Variants in CLSTN2 observed in about 807,000 individuals in gnomAD.
The protein encoded by CLSTN2 is calsyntenin-2.
In CLSTN2, 48 loss-of-function variants were observed where a neutral mutation model predicts 101.2. The ratio of observed to expected loss-of-function variants is 0.47; its 90% CI spans 0.38 to 0.60. The LOEUF is 0.60. Ranked by LOEUF, CLSTN2 falls within the 20% of genes least tolerant of loss-of-function variation. CLSTN2 has a pLI of 0.00. For synonymous variants in CLSTN2, 481 were observed against 463.6 expected, an observed-to-expected ratio of 1.04 and a Z score of -0.48; for missense variants, 1,160 against 1,238.2, an observed-to-expected ratio of 0.94 and a Z score of 0.95.
Position 140,396,089 on chromosome 3 carries a change from G to A in CLSTN2, c.233-7540G>A, listed in dbSNP as rs545764340. 7.9e-5 allele frequency among the ~76,000 whole-genome samples: 12 copies of A among 152,242 alleles called. No individual in the cohort carries two copies. In the East Asian group the frequency reaches 1.7e-3, roughly 22 times the overall value. On this transcript the variant is annotated intron_variant, in intron 2 of 16. Coordinates refer to ENST00000458420, the MANE Select transcript of CLSTN2 (RefSeq NM_022131.3). ...AGTGAGATGATTCTTGGTAGTATACGACTGATCTGCTTAGGGCAAGATATT... is the reference window on the plus strand; with the variant it reads ...AGTGAGATGATTCTTGGTAGTATACAACTGATCTGCTTAGGGCAAGATATT...
At chr3:140,329,139 C>G (rs191829358) in intron 2 of CLSTN2, among the ~76,000 whole-genome samples, 1 of 152,320 alleles carries the variant, frequency 6.6e-6, no homozygotes, top group African/African-American at 2.4e-5. Context: ...GTAATCCCAG[C>G]ACTTTGGGAA....
intron 2 of CLSTN2, among the ~76,000 whole-genome samples, chr3:140,190,959 G>C (rs2010558013): frequency 6.6e-6 from 1 of 151,996 alleles, no homozygotes; most frequent in African/African-American, 2.4e-5. Context: ...ATATTGAACA[G>C]AGGTGATGAG....
At chr3:140,517,130 C>G (rs996916079) in intron 8 of CLSTN2, among the ~76,000 whole-genome samples, 1 of 152,110 alleles carries the variant, frequency 6.6e-6, no homozygotes, top group South Asian at 2.1e-4. Context: ...TTGAGACTTT[C>G]CAGTGTATTT....
intron 2 of CLSTN2, among the ~76,000 whole-genome samples, chr3:140,257,942 G>A (rs191047841): frequency 2.0e-5 from 3 of 152,062 alleles, no homozygotes; most frequent in Admixed American, 2.0e-4. Flanking sequence ...ATTCTTTTCA[G>A]AGTTGTCATT....
At chr3:139,945,800 T>C (rs972667639) in intron 1 of CLSTN2, among the ~76,000 whole-genome samples, 1 of 152,226 alleles carries the variant, frequency 6.6e-6, no homozygotes, top group African/African-American at 2.4e-5. Context: ...AGGTGTTTGA[T>C]TTATTATTTT....
At chr3:140,169,307 T>C (rs912384045) in intron 1 of CLSTN2, among the ~76,000 whole-genome samples, 7 of 152,150 alleles carry the variant, frequency 4.6e-5, no homozygotes, top group African/African-American at 1.7e-4. Context: ...TTCATAGAAA[T>C]ACCATTGCTT....
chr3:140,555,290 C>A (rs748049286), intron 10 of CLSTN2, among the ~76,000 whole-genome samples: 1 of 152,124 alleles, frequency 6.6e-6, no homozygotes, highest in Non-Finnish European at 1.5e-5. Flanking sequence ...GTGCACAGGG[C>A]AAAAACATAT....
intron 6 of CLSTN2, among the ~76,000 whole-genome samples, chr3:140,457,101 A>G (rs546616184): frequency 3.0e-4 from 46 of 152,352 alleles, no homozygotes; most frequent in African/African-American, 1.1e-3. Context: ...GTGGAGTTTC[A>G]AGCCCTGCTA....
chr3:140,464,353 A>G (rs895380660), intron 7 of CLSTN2, among the ~76,000 whole-genome samples: 8 of 152,194 alleles, frequency 5.3e-5, no homozygotes, highest in Admixed American at 4.6e-4. Flanking sequence ...ATTTGGATTA[A>G]ACCCTTCAAG....
chr3:139,970,485 G>T (rs1422625539), intron 1 of CLSTN2, among the ~76,000 whole-genome samples: 2 of 152,216 alleles, frequency 1.3e-5, no homozygotes, highest in Non-Finnish European at 2.9e-5. Flanking sequence ...TATGTGATCT[G>T]TCTATGACCT....
chr3:140,108,056 G>T (rs2009092766), intron 1 of CLSTN2, among the ~76,000 whole-genome samples: 1 of 152,172 alleles, frequency 6.6e-6, no homozygotes, highest in South Asian at 2.1e-4. Context: ...AGAGTGGCCT[G>T]TTGTGTTCTA....
intron 1 of CLSTN2, among the ~76,000 whole-genome samples, chr3:140,106,488 T>C (rs1389311610): frequency 6.6e-6 from 1 of 152,206 alleles, no homozygotes. Context: ...GTGGGGTCTT[T>C]GTTGTTTCCA....
intron 1 of CLSTN2, among the ~76,000 whole-genome samples, chr3:139,940,063 C>T (rs1025568639): frequency 4.6e-5 from 7 of 152,176 alleles, no homozygotes; most frequent in Non-Finnish European, 1.0e-4. Context: ...CTCTTTCCTG[C>T]ATGCCTGTGT....
intron 2 of CLSTN2, among the ~76,000 whole-genome samples, chr3:140,318,593 C>T (rs758004932): frequency 2.6e-4 from 40 of 152,142 alleles, no homozygotes; most frequent in Non-Finnish European, 1.9e-4. Flanking sequence ...TTTGCTACTG[C>T]TAAAAGGTGA....
At chr3:140,293,308 T>G (rs542206687) in intron 2 of CLSTN2, among the ~76,000 whole-genome samples, 2 of 152,224 alleles carry the variant, frequency 1.3e-5, no homozygotes, top group African/African-American at 4.8e-5. Context: ...GTTGGCACTT[T>G]CCTTAGTAGG....
intron 1 of CLSTN2, among the ~76,000 whole-genome samples, chr3:140,116,696 C>A (rs1576432650): frequency 6.6e-6 from 1 of 152,084 alleles, no homozygotes; most frequent in African/African-American, 2.4e-5. Flanking sequence ...TCATTTATCA[C>A]CATATCCCTA....
At chr3:140,283,009 T>A (rs2086862953) in intron 2 of CLSTN2, among the ~76,000 whole-genome samples, 1 of 152,116 alleles carries the variant, frequency 6.6e-6, no homozygotes, top group African/African-American at 2.4e-5. Context: ...ATCTCACCAG[T>A]GATATCCAGG....
At chr3:140,503,399 T>C (rs1043582536) in intron 8 of CLSTN2, among the ~76,000 whole-genome samples, 6 of 152,236 alleles carry the variant, frequency 3.9e-5, no homozygotes, top group African/African-American at 1.4e-4. Flanking sequence ...TACATCTGCC[T>C]ACAGTATTTG....
At chr3:140,464,620 T>G (rs991270603) in intron 7 of CLSTN2, among the ~76,000 whole-genome samples, 25 of 152,206 alleles carry the variant, frequency 1.6e-4, no homozygotes, top group Non-Finnish European at 3.1e-4. Flanking sequence ...TAGAGTGAGG[T>G]TTGCCCATCC....
Sources: allele counts gnomAD v4.1 joint callset (sites outside exome capture counted in the v4.1 genomes callset), GRCh38; gene constraint gnomAD v4.1.1; transcripts MANE v1.5; gene names NCBI Gene and HGNC (gene_info 2026-07-23, HGNC 2026-07-21).